Variants in PDLIM2 observed in about 807,000 individuals in gnomAD.
PDLIM2 encodes the protein PDZ and LIM domain 2.
In PDLIM2, 51 loss-of-function variants were observed where a neutral mutation model predicts 54.1. The observed-to-expected ratio is 0.94, with a 90% CI of 0.75 to 1.19. The LOEUF (loss-of-function observed/expected upper bound fraction) is 1.19, where lower values mean the gene tolerates loss of function less well. PDLIM2 is among the 50% of genes most tolerant of loss of function. The probability of loss-of-function intolerance (pLI) is 0.00; values close to 1 mark genes in which losing one functional copy is unlikely to be tolerated. For synonymous variants in PDLIM2, 398 were observed against 385.6 expected (o/e 1.03, Z -0.38); for missense variants, 912 against 874.0 (o/e 1.04, Z -0.55).
rs544673248 is a variant in PDLIM2 at position 22,579,835 on chromosome 8, G to A, written c.748+308G>A. On this transcript the variant is annotated intron_variant, in intron 1 of 9. Coordinates refer to ENST00000308354, the Ensembl canonical transcript of PDLIM2. Reference sequence around the variant, plus strand: ...AGGGCACTTCCTTGCCCAGCGGAGGGGCTGTGGATGGGAGGCCTGTCACCC... The same window carrying A: ...AGGGCACTTCCTTGCCCAGCGGAGGAGCTGTGGATGGGAGGCCTGTCACCC... 6 of 316,416 alleles carry A rather than the reference G, an allele frequency of 1.9e-5. No homozygotes were observed. The South Asian group carries it at 6.9e-4, about 37-fold the overall frequency. The allele number at this position is 316,416 out of a possible 1,614,324, so 19.6% of individuals were successfully genotyped here. A position where few individuals can be genotyped will look rare whatever the true frequency, so the allele number is the denominator to read the frequency against.
exon 10 of PDLIM2, chr8:22,593,794 G>A (rs370296885): frequency 2.6e-5 from 42 of 1,605,594 alleles, no homozygotes; most frequent in Middle Eastern, 1.6e-4. Context: ...CACCTGTGCC[G>A]ACTGTGGGCT....
intron 6 of PDLIM2, 181 bp downstream of exon 5, chr8:22,585,580 C>T (rs923027663): frequency 3.2e-6 from 2 of 616,220 alleles, no homozygotes; most frequent in Admixed American, 5.8e-5. Context: ...CGTGGGCCAC[C>T]TGTGCTGTGC....
chr8:22,597,568 T>G (rs1368222484), downstream of PDLIM2: 1 of 152,712 alleles, frequency 6.5e-6, no homozygotes, highest in African/African-American at 2.4e-5. Flanking sequence ...GCTTCCTGTT[T>G]CCAGATGCAT....
At chr8:22,581,187 G>A (rs541534068) in intron 2 of PDLIM2, 192 bp from the exon 2 acceptor site, 1 of 680,658 alleles carries the variant, frequency 1.5e-6, no homozygotes, top group African/African-American at 1.8e-5. Context: ...GCCAGTGTGG[G>A]GTGGGGGCTG....
At chr8:22,579,895 G>A in intron 1 of PDLIM2, 3 of 221,474 alleles carry the variant, frequency 1.4e-5, no homozygotes, top group Non-Finnish European at 2.7e-5. Context: ...GAATCTGGGG[G>A]TGGGTGTGTC....
chr8:22,579,563 G>A (rs763755349), intron 1 of PDLIM2: 39 of 1,437,912 alleles, frequency 2.7e-5, no homozygotes, highest in Non-Finnish European at 3.1e-5. Flanking sequence ...AGCCGGCCTC[G>A]GGGACTGGGG....
In PDLIM2 at chr8:22,588,820, C is replaced by T. The variant is rs1160805595; in HGVS notation, c.1291-478C>T. The T allele has an allele frequency of 6.7e-5, 13 of 194,018 alleles. No homozygotes were observed. In the South Asian group the frequency reaches 8.5e-4, roughly 13 times the overall value. The allele number at this position is 194,018 out of a possible 1,614,324, so 12.0% of individuals were successfully genotyped here. A position where few individuals can be genotyped will look rare whatever the true frequency, so the allele number is the denominator to read the frequency against. ...TTGGGAAGAGGGCCTCTGCCCTGGC[C>T]GGCCCTGACTCCCAGGGGACTTCGA... is the stretch of plus-strand genomic sequence containing the variant. On this transcript the variant is annotated intron_variant, in intron 6 of 9. Coordinates refer to ENST00000308354, the Ensembl canonical transcript of PDLIM2.
intron 9 of PDLIM2, chr8:22,592,852 A>G (rs1461217794): frequency 6.6e-6 from 1 of 152,218 alleles, no homozygotes; most frequent in Non-Finnish European, 1.5e-5. Flanking sequence ...TACAGTCTTT[A>G]TGTGAGAGGA....
intron 6 of PDLIM2, 81 bp from the exon 6 acceptor site, chr8:22,589,217 G>A: frequency 2.0e-6 from 3 of 1,464,290 alleles, no homozygotes; most frequent in Non-Finnish European, 9.2e-7. Flanking sequence ...TCGGGCCTGG[G>A]AACAGCCGGG....
chr8:22,582,497 C>A lies in PDLIM2; in HGVS notation c.995+967C>A, dbSNP rs866090562. Reference sequence around the variant, plus strand: ...CTTCCTCTGGGGTTCTCTGGAGGGACCAGGGCTCGGGGGAGGTAGGCCTGG... The same window carrying A: ...CTTCCTCTGGGGTTCTCTGGAGGGAACAGGGCTCGGGGGAGGTAGGCCTGG... On this transcript the variant is annotated intron_variant, in intron 3 of 9. Transcript: ENST00000308354. Among the ~76,000 whole-genome samples, 10 of 152,098 alleles carry A rather than the reference C, an allele frequency of 6.6e-5. No individual in the cohort carries two copies. The Middle Eastern group carries it at 0.014, about 207-fold the overall frequency.
chr8:22,580,883 A>G, intron 2 of PDLIM2, 186 bp downstream of exon 1: 1 of 743,178 alleles, frequency 1.3e-6, no homozygotes. Flanking sequence ...CTTCAGGAAC[A>G]GACCTTGGGA....
chr8:22,591,905 C>T (rs1374526967), intron 9 of PDLIM2: 5 of 437,742 alleles, frequency 1.1e-5, no homozygotes, highest in African/African-American at 1.0e-4. Flanking sequence ...TTTTCCCATC[C>T]CTTTTGATTT....
intron 6 of PDLIM2, among the ~76,000 whole-genome samples, chr8:22,586,101 G>T (rs1183618392): frequency 6.6e-6 from 1 of 152,198 alleles, no homozygotes; most frequent in Non-Finnish European, 1.5e-5. Flanking sequence ...CAGCCTTTGG[G>T]GTGATGGGGA....
chr8:22,591,445 G>A (rs1800543090), intron 8 of PDLIM2, 106 bp from the exon 8 acceptor site: 6 of 976,962 alleles, frequency 6.1e-6, no homozygotes, highest in African/African-American at 1.6e-5. Flanking sequence ...GTGACTTTAG[G>A]GTTTCTCTTA....
At chr8:22,579,364 G>A in exon 1 of PDLIM2, 3 of 1,475,586 alleles carry the variant, frequency 2.0e-6, no homozygotes, top group African/African-American at 1.5e-5. Context: ...GGGCGCCCCC[G>A]CGAGCTGCGC....
At chr8:22,579,853 T>G in intron 1 of PDLIM2, 1 of 277,936 alleles carries the variant, frequency 3.6e-6, no homozygotes, top group East Asian at 6.1e-5. Flanking sequence ...ATGGGAGGCC[T>G]GTCACCCCGG....
At chr8:22,587,092 A>G (rs541919703) in intron 6 of PDLIM2, among the ~76,000 whole-genome samples, 18 of 152,290 alleles carry the variant, frequency 1.2e-4, no homozygotes, top group African/African-American at 4.1e-4. Flanking sequence ...CAGCTGCTTC[A>G]TGTCAGACAC....
chr8:22,591,243 T>C, intron 8 of PDLIM2: 1 of 410,974 alleles, frequency 2.4e-6, no homozygotes. Flanking sequence ...CTCCAGTTAT[T>C]ATCTAATCAC....
At chr8:22,596,259 G>C (rs1185358369), downstream of PDLIM2, 2 of 152,286 alleles carry the variant, frequency 1.3e-5, no homozygotes, top group African/African-American at 4.8e-5. Context: ...CATGTGAAAT[G>C]ATGGGCATTC....
Sources: allele counts gnomAD v4.1 joint callset (sites outside exome capture counted in the v4.1 genomes callset), GRCh38; gene constraint gnomAD v4.1.1; transcripts MANE v1.5; gene names NCBI Gene and HGNC (gene_info 2026-07-23, HGNC 2026-07-21).